The following AGBL4 variants were observed in gnomAD, a reference collection of about 807,000 sequenced individuals.
The protein encoded by AGBL4 is cytosolic carboxypeptidase 6.
Under a neutral mutation model 66.4 loss-of-function variants are expected in AGBL4, and 58 were observed. The observed-to-expected ratio is 0.87, with a 90% CI of 0.71 to 1.09. The LOEUF (loss-of-function observed/expected upper bound fraction) is 1.09. Among genes scored for constraint, AGBL4 ranks in the 50% least tolerant of loss-of-function variants. The pLI is 0.00. For synonymous variants in AGBL4, 234 were observed against 222.9 expected (o/e 1.05, Z -0.44); for missense variants, 579 against 631.0 (o/e 0.92, Z 0.88).
At chr1:49,465,724 T>G (rs1295117840) in intron 3 of AGBL4, among the ~76,000 whole-genome samples, 1 of 151,824 alleles carries the variant, frequency 6.6e-6, no homozygotes, top group African/African-American at 2.4e-5. Flanking sequence ...GGTGGTTTGG[T>G]AATAAATCAC....
chr1:49,570,681 G>T (rs529989471), intron 3 of AGBL4, among the ~76,000 whole-genome samples: 20 of 151,980 alleles, frequency 1.3e-4, no homozygotes, highest in Non-Finnish European at 2.7e-4. Context: ...TCCAGAAGAG[G>T]TTCCCTAGAT....
intron 4 of AGBL4, among the ~76,000 whole-genome samples, chr1:49,079,598 G>T (rs899075120): frequency 6.6e-6 from 1 of 152,072 alleles, no homozygotes; most frequent in Non-Finnish European, 1.5e-5. Flanking sequence ...TGACACATGG[G>T]GATTACAATT....
intron 3 of AGBL4, among the ~76,000 whole-genome samples, chr1:49,286,070 T>C (rs1252880092): frequency 6.6e-6 from 1 of 152,160 alleles, no homozygotes; most frequent in African/African-American, 2.4e-5. Flanking sequence ...ACACAAATCA[T>C]AAATGTAATC....
intron 5 of AGBL4, among the ~76,000 whole-genome samples, chr1:48,972,415 G>A (rs1324735996): frequency 6.6e-6 from 1 of 152,132 alleles, no homozygotes; most frequent in Admixed American, 6.6e-5. Context: ...GGATTCAGTT[G>A]TGTCTTATTT....
At chr1:49,652,931 C>T (rs1187150543) in intron 3 of AGBL4, among the ~76,000 whole-genome samples, 1 of 152,080 alleles carries the variant, frequency 6.6e-6, no homozygotes, top group Non-Finnish European at 1.5e-5. Context: ...GAGGATTCTG[C>T]CCAACTGCAG....
chr1:49,097,656 G>T (rs777596456), intron 4 of AGBL4, among the ~76,000 whole-genome samples: 6 of 152,176 alleles, frequency 3.9e-5, no homozygotes, highest in African/African-American at 9.7e-5. Context: ...ATCTCAGCTC[G>T]CTTCACCTCT....
intron 1 of AGBL4, among the ~76,000 whole-genome samples, chr1:49,971,577 A>C (rs993239912): frequency 3.3e-5 from 5 of 152,216 alleles, no homozygotes; most frequent in African/African-American, 1.2e-4. Context: ...GGAAGAAGGA[A>C]TCTTCTAGCT....
chr1:48,893,705 A>AAT (rs1553120621), intron 5 of AGBL4, among the ~76,000 whole-genome samples: 6 of 148,316 alleles, frequency 4.0e-5, no homozygotes, highest in Non-Finnish European at 6.0e-5. Context: ...TAAATAAATA[A>AAT]AAAGATAAAA....
chr1:49,146,885 T>C (rs1646228900), intron 4 of AGBL4, among the ~76,000 whole-genome samples: 1 of 152,200 alleles, frequency 6.6e-6, no homozygotes, highest in South Asian at 2.1e-4. Context: ...CTGGTAGCAG[T>C]GAGCAGCCAG....
chr1:49,785,811 C>T (rs909524368), intron 2 of AGBL4, among the ~76,000 whole-genome samples: 5 of 150,258 alleles, frequency 3.3e-5, no homozygotes, highest in African/African-American at 1.2e-4. Flanking sequence ...CAAAAATGAG[C>T]GTTGTCATTA....
chr1:49,921,011 G>A (rs780678322), intron 1 of AGBL4, among the ~76,000 whole-genome samples: 3 of 152,108 alleles, frequency 2.0e-5, no homozygotes, highest in Admixed American at 6.6e-5. Flanking sequence ...AACACCGCAC[G>A]TTCTCACTCA....
chr1:49,165,986 C>T (rs1219973645), intron 4 of AGBL4, among the ~76,000 whole-genome samples: 1 of 152,062 alleles, frequency 6.6e-6, no homozygotes, highest in East Asian at 1.9e-4. Flanking sequence ...AGGGGCCCAG[C>T]TTTAGATTCT....
At chr1:49,568,533 C>T (rs1644263566) in intron 3 of AGBL4, among the ~76,000 whole-genome samples, 1 of 86,700 alleles carries the variant, frequency 1.2e-5, no homozygotes, top group East Asian at 2.2e-4. Flanking sequence ...AAATGCCATG[C>T]TCATGGAAAG....
intron 2 of AGBL4, among the ~76,000 whole-genome samples, chr1:49,835,282 T>G (rs941073750): frequency 2.0e-5 from 3 of 152,180 alleles, no homozygotes; most frequent in Non-Finnish European, 2.9e-5. Context: ...GTATTTAGGA[T>G]AGTTAGCTCT....
chr1:49,393,304 T>C (rs898314326), intron 3 of AGBL4, among the ~76,000 whole-genome samples: 3 of 152,106 alleles, frequency 2.0e-5, no homozygotes, highest in African/African-American at 7.2e-5. Flanking sequence ...AAGAATGAAT[T>C]TTAGTTATCA....
At chr1:49,982,637 G>A (rs888304494) in intron 1 of AGBL4, among the ~76,000 whole-genome samples, 1 of 152,198 alleles carries the variant, frequency 6.6e-6, no homozygotes, top group African/African-American at 2.4e-5. Flanking sequence ...CAGTCCCGTG[G>A]ACCAGAGTGG....
intron 3 of AGBL4, among the ~76,000 whole-genome samples, chr1:49,574,890 A>C (rs184203187): frequency 6.6e-6 from 1 of 152,058 alleles, no homozygotes; most frequent in African/African-American, 2.4e-5. Flanking sequence ...GAAGACTTCA[A>C]GGTTGAATGG....
At chr1:48,810,929 C>T (rs1646034251) in intron 6 of AGBL4, among the ~76,000 whole-genome samples, 2 of 152,194 alleles carry the variant, frequency 1.3e-5, no homozygotes, top group South Asian at 4.1e-4. Context: ...TTCCCACATG[C>T]TGATTGTCTG....
chr1:49,872,104 T>A (rs781125682), intron 1 of AGBL4, among the ~76,000 whole-genome samples: 28 of 151,992 alleles, frequency 1.8e-4, no homozygotes, highest in Admixed American at 5.9e-4. Flanking sequence ...TATTTTGTGA[T>A]TTTTTTTGTT....
Sources: allele counts gnomAD v4.1 joint callset (sites outside exome capture counted in the v4.1 genomes callset), GRCh38; gene constraint gnomAD v4.1.1; transcripts MANE v1.5; gene names NCBI Gene and HGNC (gene_info 2026-07-23, HGNC 2026-07-21).